Variants in DPP10 observed in about 807,000 individuals in gnomAD.
The protein encoded by DPP10 is dipeptidyl peptidase like 10, also known as inactive dipeptidyl peptidase 10.
DPP10 carries 33 observed loss-of-function variants against 120.9 expected under a neutral mutation model. That is an observed-to-expected ratio of 0.27 (90% CI 0.21 to 0.37). The LOEUF is 0.37. DPP10 is among the 10% of genes least tolerant of loss of function. The pLI is 1.00. For synonymous variants in DPP10, 337 were observed against 326.1 expected (o/e 1.03, Z -0.36); for missense variants, 816 against 942.8 (o/e 0.87, Z 1.76).
chr2:114,650,794 C>A (rs1696524881), intron 1 of DPP10, among the ~76,000 whole-genome samples: 1 of 152,166 alleles, frequency 6.6e-6, no homozygotes. Flanking sequence ...CCTCCATCCC[C>A]ACATCCTACA....
chr2:114,695,618 C>T (rs1700025268), intron 1 of DPP10, among the ~76,000 whole-genome samples: 1 of 152,060 alleles, frequency 6.6e-6, no homozygotes, highest in African/African-American at 2.4e-5. Context: ...CATAACATGA[C>T]ACTAAGAAAT....
chr2:115,329,778 A>G (rs1418679343), intron 2 of DPP10, among the ~76,000 whole-genome samples: 2 of 152,104 alleles, frequency 1.3e-5, no homozygotes, highest in Admixed American at 6.6e-5. Context: ...ATCCTTTTTT[A>G]TGGCTGCATA....
intron 3 of DPP10, among the ~76,000 whole-genome samples, chr2:115,490,266 G>A (rs2076031303): frequency 1.3e-5 from 2 of 152,146 alleles, no homozygotes. Flanking sequence ...ATGGCAGAAG[G>A]TACGTCTTCA....
intron 1 of DPP10, among the ~76,000 whole-genome samples, chr2:114,479,746 A>C (rs554401894): frequency 6.6e-6 from 1 of 152,360 alleles, no homozygotes; most frequent in Non-Finnish European, 1.5e-5. Context: ...TGTTAGACCC[A>C]AAACCATCAA....
intron 21 of DPP10, among the ~76,000 whole-genome samples, chr2:115,817,095 A>C (rs1687320395): frequency 6.6e-6 from 1 of 151,572 alleles, no homozygotes; most frequent in Admixed American, 6.6e-5. Flanking sequence ...AAAACTACTA[A>C]AAATTACCCG....
At chr2:115,485,709 G>A (rs770862519) in intron 3 of DPP10, among the ~76,000 whole-genome samples, 1 of 152,072 alleles carries the variant, frequency 6.6e-6, no homozygotes, top group East Asian at 1.9e-4. Flanking sequence ...AAGAGTCATA[G>A]CATCTGTTGT....
chr2:115,240,606 C>A (rs994351334), intron 1 of DPP10, among the ~76,000 whole-genome samples: 2 of 152,120 alleles, frequency 1.3e-5, no homozygotes, highest in Non-Finnish European at 2.9e-5. Context: ...CTCATAGTTT[C>A]TTTTGCTGTG....
intron 1 of DPP10, among the ~76,000 whole-genome samples, chr2:114,817,803 T>C (rs1165173348): frequency 6.6e-6 from 1 of 152,210 alleles, no homozygotes; most frequent in Non-Finnish European, 1.5e-5. Context: ...TGGAAGTCTG[T>C]ATTTACTCCA....
chr2:114,794,071 T>TA (rs1683477959), intron 1 of DPP10, among the ~76,000 whole-genome samples: 1 of 141,720 alleles, frequency 7.1e-6, no homozygotes, highest in African/African-American at 2.5e-5. Context: ...TGAGCATGAC[T>TA]TTTTTTTACC....
At chr2:114,498,818 A>G (rs1234504814) in intron 1 of DPP10, among the ~76,000 whole-genome samples, 1 of 152,194 alleles carries the variant, frequency 6.6e-6, no homozygotes, top group African/African-American at 2.4e-5. Context: ...CATAAGTTTC[A>G]GAGGAGACAC....
At chr2:115,004,639 C>T (rs1574677051) in intron 1 of DPP10, among the ~76,000 whole-genome samples, 4 of 152,280 alleles carry the variant, frequency 2.6e-5, no homozygotes, top group African/African-American at 2.4e-5. Flanking sequence ...TCACTCCCAC[C>T]CTAATACTGC....
chr2:115,747,687 A>G (rs1014936991), intron 10 of DPP10, among the ~76,000 whole-genome samples: 1 of 148,382 alleles, frequency 6.7e-6, no homozygotes, highest in African/African-American at 2.5e-5. Context: ...TCCGCCTCCC[A>G]GGTTCACGCC....
chr2:115,322,596 A>C (rs950350684), intron 2 of DPP10, among the ~76,000 whole-genome samples: 1 of 152,198 alleles, frequency 6.6e-6, no homozygotes, highest in Admixed American at 6.5e-5. Context: ...TAAGGTTTAT[A>C]TCTTTACCAC....
intron 1 of DPP10, among the ~76,000 whole-genome samples, chr2:114,968,016 A>G (rs533727871): frequency 2.0e-4 from 30 of 152,034 alleles, no homozygotes; most frequent in Non-Finnish European, 3.8e-4. Flanking sequence ...CTTACTGCAT[A>G]TAACATACAA....
chr2:115,462,476 A>G (rs544511375), intron 3 of DPP10, among the ~76,000 whole-genome samples: 1 of 152,176 alleles, frequency 6.6e-6, no homozygotes, highest in South Asian at 2.1e-4. Flanking sequence ...TAGAATCCAA[A>G]TTCCTTGGTA....
intron 1 of DPP10, among the ~76,000 whole-genome samples, chr2:115,171,484 C>G (rs1274763802): frequency 6.6e-6 from 1 of 151,654 alleles, no homozygotes; most frequent in East Asian, 1.9e-4. Context: ...ATGATGATAA[C>G]ATTCAGAGAA....
In DPP10 at chr2:114,573,535, A is replaced by G. The variant is rs112211520; in HGVS notation, c.60+130697A>G. On this transcript the variant is annotated intron_variant, in intron 1 of 25. Coordinates refer to ENST00000410059, the MANE Select transcript of DPP10 (RefSeq NM_020868.6). ...AAGGAAAAGAGAAAGATATGGTCCC[A>G]AGCTATCAAACGACGAAGCAGAAGA... Among the ~76,000 whole-genome samples, 27 of 152,314 alleles carry G rather than the reference A, an allele frequency of 1.8e-4. 1 individual carries two copies. The highest frequency in any genetic ancestry group is 6.0e-4 in the African/African-American group (25 of 41,584).
At chr2:115,648,466 G>A (rs1485801301) in intron 5 of DPP10, among the ~76,000 whole-genome samples, 1 of 151,862 alleles carries the variant, frequency 6.6e-6, no homozygotes, top group African/African-American at 2.4e-5. Context: ...TATATTAATT[G>A]GCTCAATTTG....
chr2:115,771,651 A>AC (rs147671375), intron 13 of DPP10, among the ~76,000 whole-genome samples: 4,176 of 152,078 alleles, frequency 0.027, 214 homozygotes, highest in African/African-American at 0.096. Context: ...ATGACTTTTT[A>AC]CCCCCTTTCC....
Sources: allele counts gnomAD v4.1 joint callset (sites outside exome capture counted in the v4.1 genomes callset), GRCh38; gene constraint gnomAD v4.1.1; transcripts MANE v1.5; gene names NCBI Gene and HGNC (gene_info 2026-07-23, HGNC 2026-07-21).